Variants in CRYBA4 observed in about 807,000 individuals in gnomAD.
CRYBA4 encodes the protein crystallin beta A4.
CRYBA4 carries 30 observed loss-of-function variants against 31.7 expected under a neutral mutation model. That is an observed-to-expected ratio of 0.95 (90% CI 0.71 to 1.28). The LOEUF (loss-of-function observed/expected upper bound fraction) is 1.28, where lower values mean the gene tolerates loss of function less well. CRYBA4 is among the 50% of genes most tolerant of loss of function. CRYBA4 has a pLI of 0.00. For missense variants in CRYBA4, 225 were observed against 260.7 expected (o/e 0.86, Z 0.94); for synonymous variants, 102 against 102.3 (o/e 1.00, Z 0.02).
intron 3 of CRYBA4, among the ~76,000 whole-genome samples, chr22:26,623,833 G>A (rs1051690907): frequency 6.6e-6 from 1 of 152,022 alleles, no homozygotes; most frequent in African/African-American, 2.4e-5. Context: ...ACAGAGAGGT[G>A]TTAAGGACAC....
intron 5 of CRYBA4, 95 bp from the exon 6 acceptor site, chr22:26,630,244 TG>T: frequency 6.6e-7 from 1 of 1,515,160 alleles, no homozygotes; most frequent in Non-Finnish European, 9.1e-7. Flanking sequence ...CCAGGATGGC[TG>T]GAATTGTGTG....
chr22:26,623,800 TGAGA>T (rs931775584), intron 3 of CRYBA4, among the ~76,000 whole-genome samples: 2 of 146,730 alleles, frequency 1.4e-5, no homozygotes, highest in African/African-American at 2.5e-5. Context: ...AAAAAGAGAG[TGAGA>T]GAGAGAGATT....
the CRYBA4 span, among the ~76,000 whole-genome samples, chr22:26,606,217 A>G: frequency 6.6e-6 from 1 of 152,288 alleles, no homozygotes; most frequent in Non-Finnish European, 1.5e-5. Context: ...TTCCAGCCCT[A>G]GAGATTCAGA....
chr22:26,607,046 G>A, the CRYBA4 span, among the ~76,000 whole-genome samples: 1 of 110,992 alleles, frequency 9.0e-6, no homozygotes, highest in East Asian at 2.7e-4. Context: ...TTTTTGAGAT[G>A]GAGTCTGGCA....
the CRYBA4 span, chr22:26,607,779 C>T: frequency 6.8e-7 from 1 of 1,474,850 alleles, no homozygotes; most frequent in Non-Finnish European, 9.4e-7. Flanking sequence ...CGGAGGCTGC[C>T]ACGCCTCCCT....
chr22:26,628,348 G>T lies in CRYBA4; in HGVS notation c.361G>T (p.Glu121Ter). The stretch of plus-strand genomic sequence containing the variant: ...AGAGAACTTCCTGGGCAAGAAAGGA[G>T]AGCTGAGCGATGACTATCCTTCCCT... Reference protein sequence around the residue: ...EQENFLGKKGELSDDYPSLQA... With the variant: ...EQENFLGKKG Residue 121 changes from glutamate to a stop codon, truncating the protein, a stop_gained, in exon 5 of 6, where the codon GAG becomes TAG. Coordinates refer to ENST00000354760, the MANE Select transcript of CRYBA4 (RefSeq NM_001886.3). LOFTEE classifies it high-confidence loss of function. 6.2e-7 allele frequency: 1 copy of T among 1,614,040 alleles called. No homozygotes were observed.
the CRYBA4 span, among the ~76,000 whole-genome samples, chr22:26,603,507 G>A: frequency 1.3e-5 from 2 of 151,940 alleles, no homozygotes; most frequent in Non-Finnish European, 2.9e-5. Context: ...TCCAGCCTGG[G>A]CGACAGAGCA....
chr22:26,592,279 G>C, the CRYBA4 span, among the ~76,000 whole-genome samples: 4 of 152,324 alleles, frequency 2.6e-5, no homozygotes, highest in African/African-American at 7.2e-5. Context: ...TAACATTCTA[G>C]CAATGGCATT....
At chr22:26,591,308 TAA>T in the CRYBA4 span, among the ~76,000 whole-genome samples, 2 of 152,086 alleles carry the variant, frequency 1.3e-5, no homozygotes, top group South Asian at 4.1e-4. Context: ...CTGTCTCTAC[TAA>T]AAATACAAAA....
chr22:26,605,790 C>T, the CRYBA4 span, among the ~76,000 whole-genome samples: 3 of 150,704 alleles, frequency 2.0e-5, no homozygotes, highest in Non-Finnish European at 4.4e-5. Flanking sequence ...TCTAACTTCC[C>T]ACGACAGGGG....
chr22:26,622,552 G>A (rs754466957), intron 1 of CRYBA4, 33 bp from the exon 2 acceptor site: 8 of 1,592,926 alleles, frequency 5.0e-6, no homozygotes, highest in Admixed American at 3.3e-5. Context: ...AGAGGGTCAG[G>A]GTGGAAGATT....
Position 26,630,324 on chromosome 22 carries a change from C to A in CRYBA4, c.444-16C>A, listed in dbSNP as rs747086588. Reference sequence around the variant, plus strand: ...GTGTCTCTGTAGAGTAACTGTCTGCCTTTTCTCTTTTCCAGCTGGGTTTGC... The same window carrying A: ...GTGTCTCTGTAGAGTAACTGTCTGCATTTTCTCTTTTCCAGCTGGGTTTGC... On this transcript the variant is annotated splice_polypyrimidine_tract_variant and intron_variant, in intron 5 of 5. Transcript: ENST00000354760. 1.2e-5 allele frequency: 19 copies of A among 1,614,054 alleles called. No homozygotes were observed. The highest frequency in any genetic ancestry group is 6.6e-5 in the South Asian group (6 of 91,042).
chr22:26,620,882 G>A (rs1432359420), upstream of CRYBA4, among the ~76,000 whole-genome samples: 1 of 152,116 alleles, frequency 6.6e-6, no homozygotes, highest in Non-Finnish European at 1.5e-5. Flanking sequence ...GCGTTTGATA[G>A]AGCTGCATTT....
chr22:26,626,473 T>G (rs1357927225), intron 4 of CRYBA4, among the ~76,000 whole-genome samples: 1 of 152,216 alleles, frequency 6.6e-6, no homozygotes, highest in Non-Finnish European at 1.5e-5. Flanking sequence ...GTTTTATTTT[T>G]CAATTCTTAT....
In CRYBA4 at chr22:26,621,973, C is replaced by T; in HGVS notation, c.-26C>T. The T allele has an allele frequency of 1.0e-6, 1 of 986,276 alleles. No individual in the cohort carries two copies. Among genetic ancestry groups the T allele is most frequent in the South Asian group, 4.7e-5 (1 of 21,274 alleles). The allele number at this position is 986,276 out of a possible 1,614,324, so 61.1% of individuals were successfully genotyped here. A position where few individuals can be genotyped will look rare whatever the true frequency, so the allele number is the denominator to read the frequency against. On this transcript the variant is annotated 5_prime_UTR_variant, in exon 1 of 6. Coordinates refer to ENST00000354760, the MANE Select transcript of CRYBA4 (RefSeq NM_001886.3). ...GCTGGTCTCAGATCTGACATGTTCC[C>T]TGGGCCTATCTCGGTAAGTCCCAGG...
the CRYBA4 span, among the ~76,000 whole-genome samples, chr22:26,603,143 A>C: frequency 6.6e-6 from 1 of 151,636 alleles, no homozygotes; most frequent in Non-Finnish European, 1.5e-5. Flanking sequence ...AAAAAAAAAA[A>C]ACAAAAAACA....
In CRYBA4 at chr22:26,628,424, C is replaced by G. The variant is rs28412604; in HGVS notation, c.437C>G (p.Ser146Cys). The G allele has an allele frequency of 6.2e-7, 1 of 1,614,080 alleles. No homozygotes were observed. The highest frequency in any genetic ancestry group is 2.2e-5 in the East Asian group (1 of 44,870). The change falls in exon 5 of 6, where the codon TCT (serine) becomes TGT (cysteine). Residue 146 changes from serine (S) to cysteine (C), a missense_variant. Physicochemically the swap from Ser to Cys is moderately radical, Grantham distance 112. Transcript: ENST00000354760. Reference sequence around the variant, plus strand: ...GAAGTAGGGTCCTTCCACGTCCACTCTGGGGCGTAAGTGTATTCAAGGCTC... The same window carrying G: ...GAAGTAGGGTCCTTCCACGTCCACTGTGGGGCGTAAGTGTATTCAAGGCTC... ...GNEVGSFHVH[S>C]GAWVCSQFPG...
the CRYBA4 span, among the ~76,000 whole-genome samples, chr22:26,597,178 T>C: frequency 6.6e-6 from 1 of 152,186 alleles, no homozygotes; most frequent in Non-Finnish European, 1.5e-5. Context: ...CCTATCTTTC[T>C]TGCCAGCTTT....
chr22:26,597,867 C>T, the CRYBA4 span, among the ~76,000 whole-genome samples: 1 of 151,988 alleles, frequency 6.6e-6, no homozygotes, highest in African/African-American at 2.4e-5. Context: ...TCACACTTTT[C>T]TTTGTTTTGT....
Sources: gnomAD v4.1 joint callset for allele counts (sites outside exome capture counted in the v4.1 genomes callset) on GRCh38, gnomAD v4.1.1 for gene constraint, MANE v1.5 for transcripts, NCBI Gene and HGNC (gene_info 2026-07-23, HGNC 2026-07-21) for gene names.